Variants in TRIM71 observed in about 807,000 individuals in gnomAD.
TRIM71 encodes tripartite motif containing 71.
A neutral mutation model predicts 61.2 loss-of-function variants in TRIM71; 9 were observed. The ratio of observed to expected loss-of-function variants is 0.15; its 90% CI spans 0.09 to 0.26. The LOEUF (loss-of-function observed/expected upper bound fraction) is 0.26. TRIM71 is among the 10% of genes least tolerant of loss of function. TRIM71 has a pLI of 1.00. For synonymous variants in TRIM71, 645 were observed against 553.2 expected, an observed-to-expected ratio of 1.17 and a Z score of -2.33; for missense variants, 998 against 1,238.7, an observed-to-expected ratio of 0.81 and a Z score of 2.92.
At position 32,826,227 on chromosome 3, in the gene TRIM71, C is replaced by T. The variant is rs184574089; in HGVS notation, c.852+7295C>T. On this transcript the variant is annotated intron_variant, in intron 1 of 3. Transcript: ENST00000383763. ...CAATCCCAGCACTTTGGGAGGCTGA[C>T]GTGGGCAGATCACATAAGGCCCAGA... 4.9e-3 allele frequency among the ~76,000 whole-genome samples: 740 copies of T among 152,198 alleles called. 24 individuals carry two copies. The highest frequency in any genetic ancestry group is 1.0e-3 in the Non-Finnish European group (68 of 68,004).
At position 32,895,567 on chromosome 3, in the gene TRIM71, G is replaced by C. The variant is rs1423466693; in HGVS notation, c.*3756G>C. On this transcript the variant is annotated 3_prime_UTR_variant, in exon 4 of 4. Transcript: ENST00000383763. ...AAAGATATGCCAAAGTTTTAGGCTTGTTTTTCTGATCTTATTTTTTTAATC... is the reference window on the plus strand; with the variant it reads ...AAAGATATGCCAAAGTTTTAGGCTTCTTTTTCTGATCTTATTTTTTTAATC... The C allele has an allele frequency of 2.6e-5, 4 of 152,172 alleles. No homozygotes were observed. The highest frequency in any genetic ancestry group is 9.7e-5 in the African/African-American group (4 of 41,442). The allele number at this position is 152,172 out of a possible 1,614,324, so 9.4% of individuals were successfully genotyped here.
intron 1 of TRIM71, among the ~76,000 whole-genome samples, chr3:32,872,155 A>G (rs1696803589): frequency 6.6e-6 from 1 of 151,954 alleles, no homozygotes. Flanking sequence ...TGTCTCAAAA[A>G]CAAACAAATA....
At chr3:32,861,031 C>T (rs1041117087) in intron 1 of TRIM71, among the ~76,000 whole-genome samples, 9 of 151,824 alleles carry the variant, frequency 5.9e-5, no homozygotes, top group African/African-American at 1.9e-4. Flanking sequence ...AAAAATTAGC[C>T]AGGTGTTGTG....
Position 32,885,961 on chromosome 3 carries a change from G to A in TRIM71, c.1048G>A (p.Ala350Thr). ...QLSIEQAQTV[A>T]EQVEMKAKVV... ...GAGCATCGAGCAGGCCCAGACGGTG[G>A]CGGAACAGGTGGAGATGAAGGCGAA... is the stretch of plus-strand genomic sequence containing the variant. Residue 350 changes from alanine to threonine, a missense_variant, in exon 3 of 4, where the codon GCG becomes ACG. Ala to Thr is a moderately conservative substitution (Grantham distance 58). Coordinates refer to ENST00000383763, the MANE Select transcript of TRIM71 (RefSeq NM_001039111.3). 1 of 1,614,100 alleles carries A rather than the reference G, an allele frequency of 6.2e-7. No individual in the cohort carries two copies. Among genetic ancestry groups the A allele is most frequent in the Non-Finnish European group, 8.5e-7 (1 of 1,179,994 alleles).
At chr3:32,854,590 G>A (rs960985781) in intron 1 of TRIM71, among the ~76,000 whole-genome samples, 1 of 152,142 alleles carries the variant, frequency 6.6e-6, no homozygotes, top group Non-Finnish European at 1.5e-5. Flanking sequence ...CATTCCCTAG[G>A]CCTTACTCAA....
chr3:32,847,251 C>G (rs2125680851), intron 1 of TRIM71, among the ~76,000 whole-genome samples: 1 of 143,716 alleles, frequency 7.0e-6, no homozygotes, highest in Non-Finnish European at 1.5e-5. Context: ...GGCTGGAGTG[C>G]AATGGCGCAA....
In TRIM71 at chr3:32,818,144, C is replaced by T; in HGVS notation, c.64C>T (p.Pro22Ser). The T allele has an allele frequency of 4.3e-6, 7 of 1,611,114 alleles. No homozygotes were observed. The highest frequency in any genetic ancestry group is 1.7e-5 in the Admixed American group (1 of 59,892). ...GCTGTGCAAGGAGATGTGCGGCTCG[C>T]CGGCGCCGCTCTCCTCCAACTCGTC... ...CLLCKEMCGS[P>S]APLSSNSSAS... The change falls in exon 1 of 4, where the codon CCG becomes TCG. Residue 22 changes from proline (P) to serine (S), a missense_variant. Around this residue, in one of 5 missense-constraint regions of TRIM71, gnomAD observed 527 missense variants for 427.8 expected, o/e 1.23. Coordinates refer to ENST00000383763, the MANE Select transcript of TRIM71 (RefSeq NM_001039111.3).
intron 1 of TRIM71, among the ~76,000 whole-genome samples, chr3:32,858,379 T>G (rs922192062): frequency 6.6e-6 from 1 of 152,222 alleles, no homozygotes; most frequent in Non-Finnish European, 1.5e-5. Context: ...GTTTTTTCTT[T>G]CAAGGCTTTT....
At chr3:32,848,987 A>G (rs777335347) in intron 1 of TRIM71, among the ~76,000 whole-genome samples, 7 of 152,098 alleles carry the variant, frequency 4.6e-5, no homozygotes, top group Non-Finnish European at 1.0e-4. Context: ...AGAGGTTAAG[A>G]TGATATTTAA....
rs1182178339 is a variant in TRIM71, at chr3:32,833,184, T to TAAAAAAAAAAAAAAA, written c.852+14266_852+14280dup. On this transcript the variant is annotated intron_variant, in intron 1 of 3. Transcript: ENST00000383763. ...GGTGACAAGAATGAAACTCTGTCTT[T>TAAAAAAAAAAAAAAA]AAAAAAAAAAAAAAAAAAAAAAAAA... Among the ~76,000 whole-genome samples the TAAAAAAAAAAAAAAA allele has an allele frequency of 9.6e-4, 52 of 54,424 alleles. 4 individuals carry two copies. The highest frequency in any genetic ancestry group is 2.1e-3 in the South Asian group (2 of 938). The allele number at this position is 54,424 out of a possible 152,430, so 35.7% of individuals were successfully genotyped here.
chr3:32,838,301 C>T (rs987515264), intron 1 of TRIM71, among the ~76,000 whole-genome samples: 1 of 151,986 alleles, frequency 6.6e-6, no homozygotes, highest in Non-Finnish European at 1.5e-5. Context: ...TCCGGTTCAC[C>T]GCAACCTCCT....
At chr3:32,853,663 C>G (rs1016828554) in intron 1 of TRIM71, among the ~76,000 whole-genome samples, 1 of 152,148 alleles carries the variant, frequency 6.6e-6, no homozygotes, top group African/African-American at 2.4e-5. Context: ...AAAGTTTGTG[C>G]TGAGATAGCC....
Position 32,890,521 on chromosome 3 carries a change from C to T in TRIM71, c.1317C>T (p.Ala439=), listed in dbSNP as rs764952182. ...DILLARDRML[A]QVQELKTVRS... is the part of the protein sequence containing the mutation. ...TACTGGCCCGAGACCGGATGCTGGC[C>T]CAGGTGCAGGAGCTGAAGACCGTGC... is the stretch of plus-strand genomic sequence containing the variant. The change falls in exon 4 of 4, where the codon GCC becomes GCT. Residue 439 remains alanine (A), a synonymous_variant. Transcript: ENST00000383763. This position sits in a 1 kb window ranked among gnomAD's most constrained non-coding sequence, Gnocchi z 6.2. 2 of 1,614,102 alleles carry T rather than the reference C, an allele frequency of 1.2e-6. No homozygotes were observed. Among genetic ancestry groups the T allele is most frequent in the Non-Finnish European group, 1.7e-6 (2 of 1,180,032 alleles).
rs1419494907 is a variant in TRIM71, at chr3:32,830,612, A to G, written c.852+11680A>G. On this transcript the variant is annotated intron_variant, in intron 1 of 3. Coordinates refer to ENST00000383763, the MANE Select transcript of TRIM71 (RefSeq NM_001039111.3). ...GCATTGATGGATTGGGGATTTTTACACTAAGTCTGGCCTCTGTCGATATCA... is the reference window on the plus strand; with the variant it reads ...GCATTGATGGATTGGGGATTTTTACGCTAAGTCTGGCCTCTGTCGATATCA... 1.3e-5 allele frequency among the ~76,000 whole-genome samples: 2 copies of G among 152,148 alleles called. 1 individual carries two copies. Among genetic ancestry groups the G allele is most frequent in the Non-Finnish European group, 2.9e-5 (2 of 68,034 alleles).
At position 32,890,309 on chromosome 3, in the gene TRIM71, T is replaced by G; in HGVS notation, c.1156-51T>G. On this transcript the variant is annotated intron_variant, in intron 3 of 3. Transcript: ENST00000383763. This position sits in a 1 kb window ranked among gnomAD's most constrained non-coding sequence, Gnocchi z 6.2. ...GTTGTGGCTTATGTGGTATTTTCTG[T>G]GCTTGGCTCTAAGCCTCTGTGTCTT... 6.4e-7 allele frequency: 1 copy of G among 1,564,968 alleles called. No homozygotes were observed. Among genetic ancestry groups the G allele is most frequent in the Non-Finnish European group, 8.7e-7 (1 of 1,151,774 alleles).
intron 1 of TRIM71, among the ~76,000 whole-genome samples, chr3:32,851,823 C>T (rs559323320): frequency 1.4e-3 from 213 of 152,308 alleles, no homozygotes; most frequent in Admixed American, 2.8e-3. Flanking sequence ...TACTGTGTGA[C>T]ATTAATCTTG....
chr3:32,871,836 A>C (rs764082757), intron 1 of TRIM71, among the ~76,000 whole-genome samples: 1 of 152,190 alleles, frequency 6.6e-6, no homozygotes, highest in Non-Finnish European at 1.5e-5. Flanking sequence ...ACCTTACCAC[A>C]TTTCCCTTGT....
At position 32,834,338 on chromosome 3, in the gene TRIM71, G is replaced by A. The variant is rs950679593; in HGVS notation, c.852+15406G>A. On this transcript the variant is annotated intron_variant, in intron 1 of 3. Coordinates refer to ENST00000383763, the MANE Select transcript of TRIM71 (RefSeq NM_001039111.3). Reference sequence around the variant, plus strand: ...TTGACACAACAGCTACAAATTTCATGTTAAGCCTGTTGTGCAATAAATCCA... The same window carrying A: ...TTGACACAACAGCTACAAATTTCATATTAAGCCTGTTGTGCAATAAATCCA... Among the ~76,000 whole-genome samples, 11 of 152,344 alleles carry A rather than the reference G, an allele frequency of 7.2e-5. No individual in the cohort carries two copies. The South Asian group carries it at 2.3e-3, about 32-fold the overall frequency.
At chr3:32,862,899 C>T (rs1023041832) in intron 1 of TRIM71, among the ~76,000 whole-genome samples, 4 of 152,042 alleles carry the variant, frequency 2.6e-5, no homozygotes, top group Middle Eastern at 6.3e-3. Flanking sequence ...TTCAAAACCT[C>T]CAGGGAGGTT....
Sources: allele counts gnomAD v4.1 joint callset (sites outside exome capture counted in the v4.1 genomes callset), GRCh38; gene constraint gnomAD v4.1.1; regional missense constraint gnomAD v4.1.1; non-coding constraint Gnocchi (gnomAD v3.1); transcripts MANE v1.5; gene names NCBI Gene and HGNC (gene_info 2026-07-23, HGNC 2026-07-21).